Variants in GNAI3 observed in about 807,000 individuals in gnomAD.
GNAI3 encodes guanine nucleotide-binding protein G(i) subunit alpha-3.
GNAI3 carries 12 observed loss-of-function variants against 41.8 expected under a neutral mutation model. That is an observed-to-expected ratio of 0.29 (90% CI 0.18 to 0.47). The LOEUF (loss-of-function observed/expected upper bound fraction) is 0.47. Among genes scored for constraint, GNAI3 ranks in the 20% least tolerant of loss-of-function variants. The probability of loss-of-function intolerance (pLI) is 1.00; values close to 1 mark genes in which losing one functional copy is unlikely to be tolerated. For synonymous variants in GNAI3, 132 were observed against 146.5 expected, an observed-to-expected ratio of 0.90 and a Z score of 0.71; for missense variants, 360 against 429.6, an observed-to-expected ratio of 0.84 and a Z score of 1.43.
chr1:109,591,987 G>A (rs950023350), intron 7 of GNAI3, 56 bp from the exon 8 acceptor site: 6 of 1,106,302 alleles, frequency 5.4e-6, no homozygotes, highest in Non-Finnish European at 5.4e-6. Context: ...GTCTGACTTA[G>A]TTGAGTTCAG....
intron 1 of GNAI3, among the ~76,000 whole-genome samples, chr1:109,564,364 A>G (rs1648395895): frequency 6.6e-6 from 1 of 151,178 alleles, no homozygotes; most frequent in Non-Finnish European, 1.5e-5. Flanking sequence ...TGTTTTTTAA[A>G]CTGGGTCAAC....
chr1:109,591,262 T>C (rs536286376), intron 7 of GNAI3, among the ~76,000 whole-genome samples: 95 of 152,346 alleles, frequency 6.2e-4, no homozygotes, highest in African/African-American at 2.2e-3. Flanking sequence ...TCTTTAAAAC[T>C]GTGGAATGAT....
chr1:109,569,226 C>T (rs993595706), intron 1 of GNAI3, among the ~76,000 whole-genome samples: 1 of 152,192 alleles, frequency 6.6e-6, no homozygotes, highest in Non-Finnish European at 1.5e-5. Flanking sequence ...AACTTTTTCT[C>T]CCCTGTGTAT....
intron 1 of GNAI3, among the ~76,000 whole-genome samples, chr1:109,555,963 CGTGTGTGTGTGTGT>C (rs71069692): frequency 2.8e-5 from 4 of 144,532 alleles, no homozygotes; most frequent in Admixed American, 1.4e-4. Flanking sequence ...TGCGTGCGTG[CGTGTGTGTGTGTGT>C]GTGTGTGTGT....
intron 1 of GNAI3, among the ~76,000 whole-genome samples, chr1:109,564,736 G>A (rs1008559917): frequency 9.2e-5 from 14 of 152,302 alleles, no homozygotes; most frequent in Non-Finnish European, 1.9e-4. Flanking sequence ...GGCCTAGATC[G>A]TGTGGGCCAT....
rs1253097340 is a variant in GNAI3, at chr1:109,594,220, A to G, written c.*1898A>G. The G allele has an allele frequency of 1.3e-5, 2 of 152,156 alleles. No individual in the cohort carries two copies. The highest frequency in any genetic ancestry group is 4.8e-5 in the African/African-American group (2 of 41,412). 9.4% of individuals were successfully genotyped at this position (152,156 alleles called of 1,614,324 possible). A position where few individuals can be genotyped will look rare whatever the true frequency, so the allele number is the denominator to read the frequency against. On this transcript the variant is annotated 3_prime_UTR_variant, in exon 9 of 9. Transcript: ENST00000369851. ...TTTGAATATACCTTTTCCTTATTGT[A>G]TTCTGTAATATAGGATCCTGGAAAT...
At chr1:109,574,608 T>A (rs1237178187) in intron 3 of GNAI3, among the ~76,000 whole-genome samples, 2 of 152,182 alleles carry the variant, frequency 1.3e-5, no homozygotes, top group Non-Finnish European at 2.9e-5. Context: ...GTTGTATTAT[T>A]ATAATAATAC....
intron 1 of GNAI3, among the ~76,000 whole-genome samples, chr1:109,566,462 C>T (rs1158965760): frequency 6.6e-6 from 1 of 152,060 alleles, no homozygotes; most frequent in Non-Finnish European, 1.5e-5. Context: ...TGATGTTTTT[C>T]CTATCTGTTA....
Position 109,548,740 on chromosome 1 carries a change from C to T in GNAI3, c.20C>T (p.Ala7Val). 2 of 1,613,436 alleles carry T rather than the reference C, an allele frequency of 1.2e-6. No individual in the cohort carries two copies. The highest frequency in any genetic ancestry group is 1.7e-6 in the Non-Finnish European group (2 of 1,179,614). The change falls in exon 1 of 9, where the codon GCC becomes GTC. Residue 7 changes from alanine (A) to valine (V), a missense_variant. Coordinates refer to ENST00000369851, the MANE Select transcript of GNAI3 (RefSeq NM_006496.4). MGCTLS[A>V]EDKAAVERSK... ...GCCGCCATGGGCTGCACGTTGAGCG[C>T]CGAAGACAAGGCGGCAGTGGAGCGA...
At chr1:109,575,899 C>T (rs1224148682) in intron 3 of GNAI3, among the ~76,000 whole-genome samples, 1 of 152,170 alleles carries the variant, frequency 6.6e-6, no homozygotes, top group African/African-American at 2.4e-5. Context: ...TCACCAGATG[C>T]AGTTGACATC....
Position 109,592,315 on chromosome 1 carries a change from T to C in GNAI3, c.*23-30T>C, listed in dbSNP as rs1291414887. ...GTGATGTCTCTTGGTTTTTAAACTT[T>C]TTCTAATTAAGAATATTCTTCTCTT... On this transcript the variant is annotated intron_variant, in intron 8 of 8. Coordinates refer to ENST00000369851, the MANE Select transcript of GNAI3 (RefSeq NM_006496.4). 5 of 885,894 alleles carry C rather than the reference T, an allele frequency of 5.6e-6. No homozygotes were observed. The Admixed American group carries it at 6.8e-5, about 12-fold the overall frequency. 54.9% of individuals were successfully genotyped at this position (885,894 alleles called of 1,614,324 possible). A position where few individuals can be genotyped will look rare whatever the true frequency, so the allele number is the denominator to read the frequency against.
chr1:109,581,492 T>G (rs868186732), intron 4 of GNAI3, among the ~76,000 whole-genome samples: 12 of 152,144 alleles, frequency 7.9e-5, no homozygotes, highest in African/African-American at 2.9e-4. Flanking sequence ...CACAGTTGAT[T>G]TAGTATTACA....
chr1:109,586,053 C>T (rs1035224619), intron 5 of GNAI3, among the ~76,000 whole-genome samples, 163 bp from the exon 6 acceptor site: 2 of 152,134 alleles, frequency 1.3e-5, no homozygotes, highest in African/African-American at 4.8e-5. Flanking sequence ...TTGTCTTGTA[C>T]TTTTAGCCAG....
rs1648916701 is a variant in GNAI3, at chr1:109,582,315, C to T, written c.462-122C>T. 3 of 643,548 alleles carry T rather than the reference C, an allele frequency of 4.7e-6. No individual in the cohort carries two copies. In the African/African-American group the frequency reaches 5.4e-5, roughly 12 times the overall value. 39.9% of individuals were successfully genotyped at this position (643,548 alleles called of 1,614,324 possible). A position where few individuals can be genotyped will look rare whatever the true frequency, so the allele number is the denominator to read the frequency against. On this transcript the variant is annotated intron_variant, in intron 4 of 8. Transcript: ENST00000369851. Reference sequence around the variant, plus strand: ...TTATCATTTCTATGATACTGAAGATCTGATTCTGTTTTGCCACTTAATAAC... The same window carrying T: ...TTATCATTTCTATGATACTGAAGATTTGATTCTGTTTTGCCACTTAATAAC...
At chr1:109,571,206 G>A (rs1488710215) in intron 1 of GNAI3, among the ~76,000 whole-genome samples, 4 of 152,164 alleles carry the variant, frequency 2.6e-5, no homozygotes, top group African/African-American at 4.8e-5. Context: ...GTGAGAGTGA[G>A]TTGGGGAATC....
intron 3 of GNAI3, 104 bp from the exon 4 acceptor site, chr1:109,579,100 C>T: frequency 1.1e-6 from 1 of 893,774 alleles, no homozygotes; most frequent in South Asian, 1.9e-5. Flanking sequence ...TGTAACAACA[C>T]CTCTTTTAAC....
chr1:109,576,195 AG>A (rs2101102628), intron 3 of GNAI3, among the ~76,000 whole-genome samples: 1 of 151,934 alleles, frequency 6.6e-6, no homozygotes, highest in East Asian at 2.0e-4. Flanking sequence ...CAGCCTCCCA[AG>A]GAGCTGGGAT....
rs74113946 is a variant in GNAI3, at chr1:109,594,428, G to T, written c.*2106G>T. On this transcript the variant is annotated 3_prime_UTR_variant, in exon 9 of 9. Coordinates refer to ENST00000369851, the MANE Select transcript of GNAI3 (RefSeq NM_006496.4). ...TTAGCCCTTCTGTTAAAGAAAAATA[G>T]CAGGTCCCCATTTTTCTGCCTCTGT... is the stretch of plus-strand genomic sequence containing the variant. The T allele has an allele frequency of 1.3e-5, 2 of 152,216 alleles. No individual in the cohort carries two copies. The highest frequency in any genetic ancestry group is 4.8e-5 in the African/African-American group (2 of 41,522). The allele number at this position is 152,216 out of a possible 1,614,324, so 9.4% of individuals were successfully genotyped here.
At position 109,548,626 on chromosome 1, in the gene GNAI3, C is replaced by T; in HGVS notation, c.-95C>T. 2 of 802,814 alleles carry T rather than the reference C, an allele frequency of 2.5e-6. No individual in the cohort carries two copies. Among genetic ancestry groups the T allele is most frequent in the Non-Finnish European group, 4.2e-6 (2 of 481,446 alleles). 49.7% of individuals were successfully genotyped at this position (802,814 alleles called of 1,614,324 possible). A position where few individuals can be genotyped will look rare whatever the true frequency, so the allele number is the denominator to read the frequency against. On this transcript the variant is annotated 5_prime_UTR_variant, in exon 1 of 9. Coordinates refer to ENST00000369851, the MANE Select transcript of GNAI3 (RefSeq NM_006496.4). ...GCGCTAAGGGAGCTGACGGAGAGGG[C>T]CACCGCCCAGCAATAGACGGTGCCT... is the stretch of plus-strand genomic sequence containing the variant.
Sources: gnomAD v4.1 joint callset for allele counts (sites outside exome capture counted in the v4.1 genomes callset) on GRCh38, gnomAD v4.1.1 for gene constraint, MANE v1.5 for transcripts, NCBI Gene and HGNC (gene_info 2026-07-23, HGNC 2026-07-21) for gene names.